Variants in WDR47 observed in about 807,000 individuals in gnomAD.
WDR47 encodes the protein WD repeat domain 47, also known as WD repeat-containing protein 47.
Under a neutral mutation model 97.2 loss-of-function variants are expected in WDR47, and 32 were observed. The observed-to-expected ratio is 0.33, with a 90% CI of 0.25 to 0.44. WDR47 has a LOEUF of 0.44. Ranked by LOEUF, WDR47 falls within the 20% of genes least tolerant of loss-of-function variation. WDR47 has a pLI of 1.00. For missense variants in WDR47, 782 were observed against 1,102.3 expected (o/e 0.71, Z 4.11); for synonymous variants, 375 against 373.5 (o/e 1.00, Z -0.05).
intron 5 of WDR47, 43 bp from the exon 6 acceptor site, chr1:109,004,758 G>A (rs1054047140): frequency 1.2e-5 from 19 of 1,540,762 alleles, no homozygotes; most frequent in South Asian, 3.8e-5. Context: ...GCAGAGGGGG[G>A]AGTAAAGGAA....
chr1:109,038,461 T>C (rs1015585917), intron 1 of WDR47, among the ~76,000 whole-genome samples: 11 of 152,028 alleles, frequency 7.2e-5, no homozygotes, highest in African/African-American at 2.7e-4. Context: ...GGCAGGTCAC[T>C]TGAGTCTAGG....
At chr1:109,009,047 T>C (rs1660845099) in intron 5 of WDR47, among the ~76,000 whole-genome samples, 1 of 151,662 alleles carries the variant, frequency 6.6e-6, no homozygotes, top group South Asian at 2.1e-4. Context: ...ATTGTGCCAC[T>C]GCACTCCAGC....
intron 7 of WDR47, among the ~76,000 whole-genome samples, chr1:108,998,795 G>A (rs1659946446): frequency 6.6e-6 from 1 of 152,128 alleles, no homozygotes; most frequent in South Asian, 2.1e-4. Context: ...TGACCTGCAA[G>A]AGTGATTTGG....
chr1:109,039,853 T>C (rs756282718), intron 1 of WDR47, among the ~76,000 whole-genome samples: 4 of 151,854 alleles, frequency 2.6e-5, no homozygotes, highest in Admixed American at 1.3e-4. Context: ...CTAGCCAACA[T>C]GGTGAAACCC....
At chr1:109,007,343 T>C (rs1036135508) in intron 5 of WDR47, among the ~76,000 whole-genome samples, 1 of 151,628 alleles carries the variant, frequency 6.6e-6, no homozygotes, top group Non-Finnish European at 1.5e-5. Flanking sequence ...AAACAATAAA[T>C]AGAGACAGGG....
At chr1:109,005,905 A>G (rs1660573940) in intron 5 of WDR47, among the ~76,000 whole-genome samples, 1 of 152,066 alleles carries the variant, frequency 6.6e-6, no homozygotes, top group Non-Finnish European at 1.5e-5. Flanking sequence ...AAATAAAATC[A>G]GTTGTGTGGC....
intron 5 of WDR47, among the ~76,000 whole-genome samples, chr1:109,007,759 A>C (rs1054352145): frequency 2.0e-5 from 3 of 152,228 alleles, no homozygotes; most frequent in African/African-American, 7.2e-5. Context: ...TCCCAAGGTC[A>C]CACAGCCAAT....
chr1:109,012,572 C>CA (rs57237933), intron 4 of WDR47, among the ~76,000 whole-genome samples: 3,536 of 73,824 alleles, frequency 0.048, 340 homozygotes, highest in Middle Eastern at 0.086. Context: ...GACTCCATCT[C>CA]AAAAAAAAAA....
At chr1:109,016,361 C>G (rs1661415574) in intron 3 of WDR47, among the ~76,000 whole-genome samples, 1 of 151,884 alleles carries the variant, frequency 6.6e-6, no homozygotes, top group African/African-American at 2.4e-5. Context: ...GTGTTCACAC[C>G]ACTGCACTCC....
intron 1 of WDR47, among the ~76,000 whole-genome samples, chr1:109,027,535 T>G (rs918720575): frequency 7.2e-5 from 11 of 152,198 alleles, no homozygotes; most frequent in Admixed American, 4.6e-4. Flanking sequence ...ATACTTTTTT[T>G]TTCCCCCAGA....
intron 13 of WDR47, among the ~76,000 whole-genome samples, chr1:108,977,580 G>A (rs776094658): frequency 6.6e-5 from 10 of 152,176 alleles, no homozygotes; most frequent in Non-Finnish European, 1.3e-4. Flanking sequence ...GGCCAGGCGC[G>A]GTGGCTCACG....
intron 1 of WDR47, among the ~76,000 whole-genome samples, chr1:109,033,635 T>C (rs544392954): frequency 8.5e-5 from 13 of 152,286 alleles, no homozygotes; most frequent in Non-Finnish European, 1.5e-4. Context: ...GAATGTAAAC[T>C]GGGGACCAGA....
At chr1:109,012,192 T>C (rs1254731360) in intron 4 of WDR47, among the ~76,000 whole-genome samples, 1 of 152,152 alleles carries the variant, frequency 6.6e-6, no homozygotes, top group Non-Finnish European at 1.5e-5. Flanking sequence ...CAATTGTTTA[T>C]AAACTTTGCT....
chr1:109,007,639 T>C (rs1031079308), intron 5 of WDR47, among the ~76,000 whole-genome samples: 6 of 152,220 alleles, frequency 3.9e-5, no homozygotes, highest in African/African-American at 1.4e-4. Context: ...TTATATTCAC[T>C]GAGTACCAAT....
chr1:109,031,824 G>C (rs1662625416), intron 1 of WDR47, among the ~76,000 whole-genome samples: 1 of 123,428 alleles, frequency 8.1e-6, no homozygotes, highest in African/African-American at 2.9e-5. Flanking sequence ...TTTTAAGACA[G>C]GGTCTTGCTC....
chr1:109,034,713 C>T (rs563284136), intron 1 of WDR47, among the ~76,000 whole-genome samples: 5 of 152,262 alleles, frequency 3.3e-5, no homozygotes, highest in African/African-American at 9.6e-5. Flanking sequence ...TGGTTTCCAC[C>T]TCACCCCTGG....
intron 14 of WDR47, among the ~76,000 whole-genome samples, chr1:108,971,975 TTATA>T (rs1446689195): frequency 6.6e-6 from 1 of 152,130 alleles, no homozygotes; most frequent in Non-Finnish European, 1.5e-5. Flanking sequence ...ACATGGCCAT[TTATA>T]TATTTACAAT....
chr1:108,991,206 T>G, intron 9 of WDR47, 48 bp downstream of exon 9: 1 of 1,550,418 alleles, frequency 6.4e-7, no homozygotes, highest in South Asian at 1.1e-5. Context: ...TTAGCAAAAT[T>G]TACAGGTGCA....
chr1:109,036,145 T>C lies in WDR47; in HGVS notation c.-10+5717A>G, dbSNP rs147466433. On this transcript the variant is annotated intron_variant, in intron 1 of 14. Coordinates refer to ENST00000369962, the MANE Select transcript of WDR47 (RefSeq NM_001142551.2). ...GCTTTGTTTACAATGCAAAAACTAC[T>C]GGGTACTATTTTAGGATCTTACATT... 2.0e-5 allele frequency among the ~76,000 whole-genome samples: 3 copies of C among 152,294 alleles called. No individual in the cohort carries two copies. The East Asian group carries it at 5.8e-4, about 29-fold the overall frequency.
Sources: gnomAD v4.1 joint callset for allele counts (sites outside exome capture counted in the v4.1 genomes callset) on GRCh38, gnomAD v4.1.1 for gene constraint, MANE v1.5 for transcripts, NCBI Gene and HGNC (gene_info 2026-07-23, HGNC 2026-07-21) for gene names.